EPB41L3: variants seen among roughly 807,000 people sequenced by gnomAD.
EPB41L3 encodes erythrocyte membrane protein band 4.1 like 3, also known as band 4.1-like protein 3.
EPB41L3 carries 57 observed loss-of-function variants against 127.1 expected under a neutral mutation model. The ratio of observed to expected loss-of-function variants is 0.45; its 90% CI spans 0.36 to 0.56. The LOEUF (loss-of-function observed/expected upper bound fraction) is 0.56. Ranked by LOEUF, EPB41L3 falls within the 20% of genes least tolerant of loss-of-function variation. The pLI is 0.00. For missense variants in EPB41L3, 1,273 were observed against 1,372.2 expected (o/e 0.93, Z 1.14); for synonymous variants, 572 against 549.5 (o/e 1.04, Z -0.57).
rs151153676 is a variant in EPB41L3, at chr18:5,408,581, C to A, written c.2122-845G>T. Among the ~76,000 whole-genome samples, 134 of 151,458 alleles carry A rather than the reference C, an allele frequency of 8.8e-4. 3 individuals are homozygous for A. In the East Asian group the frequency reaches 0.021, roughly 24 times the overall value. ...TGAGCCACCACGCCCAGCCAATTTTCTTGAATGTATATAGTTAAAAACAAA... is the reference window on the plus strand; with the variant it reads ...TGAGCCACCACGCCCAGCCAATTTTATTGAATGTATATAGTTAAAAACAAA... On this transcript the variant is annotated intron_variant, in intron 14 of 22. Transcript: ENST00000341928.
intron 16 of EPB41L3, chr18:5,399,833 G>A (rs1254271505): frequency 6.5e-6 from 1 of 152,868 alleles, no homozygotes; most frequent in Non-Finnish European, 1.5e-5. Flanking sequence ...ACAAATTTAT[G>A]TAAATATTTT....
intron 12 of EPB41L3, among the ~76,000 whole-genome samples, chr18:5,418,505 T>C (rs1341762143): frequency 6.6e-6 from 1 of 152,168 alleles, no homozygotes; most frequent in African/African-American, 2.4e-5. Context: ...GTTTTTTGGG[T>C]GGATTATATT....
At chr18:5,395,250 G>A (rs1289493988) in intron 20 of EPB41L3, 103 bp from the exon 21 acceptor site, 7 of 992,912 alleles carry the variant, frequency 7.0e-6, no homozygotes, top group Admixed American at 3.6e-5. Context: ...TTCACTCTTC[G>A]AGAATTGAAA....
chr18:5,428,372 T>C lies in EPB41L3; in HGVS notation c.1006A>G (p.Lys336Glu). ...CGTTTGTATGAAATCTTTAGAACCT[T>C]GGGCCAGGCAAATCTGTTTATTCGC... ...RLRINRFAWP[K>E]VLKISYKRNN... Residue 336 changes from lysine (K) to glutamate (E), a missense_variant, in exon 9 of 23, where the codon AAG becomes GAG. Physicochemically the swap from Lys to Glu is moderately conservative, Grantham distance 56. Coordinates refer to ENST00000341928, the MANE Select transcript of EPB41L3 (RefSeq NM_012307.5). 6.2e-7 allele frequency: 1 copy of C among 1,614,206 alleles called. No homozygotes were observed. The highest frequency in any genetic ancestry group is 8.5e-7 in the Non-Finnish European group (1 of 1,180,044).
chr18:5,619,015 C>T (rs1195894919), intron 1 of EPB41L3, among the ~76,000 whole-genome samples: 1 of 152,156 alleles, frequency 6.6e-6, no homozygotes, highest in Non-Finnish European at 1.5e-5. Flanking sequence ...GCCACTAAAA[C>T]TTTTTTGAAA....
intron 5 of EPB41L3, among the ~76,000 whole-genome samples, chr18:5,440,079 C>T (rs988332457): frequency 6.6e-6 from 1 of 152,110 alleles, no homozygotes; most frequent in African/African-American, 2.4e-5. Context: ...CGAAGAAATA[C>T]CTGAGGTACT....
At chr18:5,416,516 T>C in intron 12 of EPB41L3, 138 bp from the exon 13 acceptor site, 1 of 852,132 alleles carries the variant, frequency 1.2e-6, no homozygotes, top group Non-Finnish European at 1.8e-6. Flanking sequence ...CTAGGGTTGC[T>C]CATGAATGTT....
At chr18:5,395,805 T>C (rs1353258986) in intron 19 of EPB41L3, 98 bp from the exon 20 acceptor site, 7 of 882,368 alleles carry the variant, frequency 7.9e-6, no homozygotes, top group Non-Finnish European at 1.3e-5. Context: ...TTTCACTATC[T>C]CCTATTATGC....
intron 11 of EPB41L3, 64 bp downstream of exon 11, chr18:5,423,314 T>C: frequency 6.9e-7 from 1 of 1,452,522 alleles, no homozygotes; most frequent in East Asian, 2.3e-5. Context: ...TGAAAGCTCA[T>C]GACAGTTTCA....
At chr18:5,459,486 C>A (rs1568271564) in intron 3 of EPB41L3, among the ~76,000 whole-genome samples, 2 of 151,872 alleles carry the variant, frequency 1.3e-5, no homozygotes, top group Non-Finnish European at 2.9e-5. Context: ...GAGTGTTGGG[C>A]ATACCCATAA....
intron 3 of EPB41L3, among the ~76,000 whole-genome samples, chr18:5,575,697 C>A (rs181896173): frequency 6.6e-6 from 1 of 152,008 alleles, no homozygotes; most frequent in Non-Finnish European, 1.5e-5. Context: ...AGTAGCCAGG[C>A]GTGGTGGTGG....
intron 3 of EPB41L3, among the ~76,000 whole-genome samples, chr18:5,584,821 T>C (rs1421521427): frequency 1.3e-5 from 2 of 152,196 alleles, no homozygotes; most frequent in Non-Finnish European, 2.9e-5. Flanking sequence ...TTTCATCTGA[T>C]TCAAAGTGAA....
intron 3 of EPB41L3, among the ~76,000 whole-genome samples, chr18:5,563,313 G>A (rs2149218014): frequency 6.6e-6 from 1 of 152,304 alleles, no homozygotes; most frequent in African/African-American, 2.4e-5. Context: ...GAGCAACACA[G>A]TTCTATTTGT....
rs572216385 is a variant in EPB41L3, at chr18:5,581,175, A to G, written c.-306+31165T>C. Among the ~76,000 whole-genome samples the G allele has an allele frequency of 3.3e-5, 5 of 152,362 alleles. No individual in the cohort carries two copies. In the South Asian group the frequency reaches 1.0e-3, roughly 32 times the overall value. ...TGTAGCATTATTTACATAAACATGTAGTGGATGAAGTCTAAAATGTAACCA... is the reference window on the plus strand; with the variant it reads ...TGTAGCATTATTTACATAAACATGTGGTGGATGAAGTCTAAAATGTAACCA... On this transcript the variant is annotated intron_variant, in intron 3 of 21. Transcript: ENST00000545076.
rs1009033702 is a variant in EPB41L3 at position 5,543,304 on chromosome 18, G to C, written c.-12+609C>G. On this transcript the variant is annotated intron_variant, in intron 1 of 22. Transcript: ENST00000341928. This position sits in a 1 kb window ranked among gnomAD's most constrained non-coding sequence, Gnocchi z 5.2. The stretch of plus-strand genomic sequence containing the variant: ...CCTGCCCAGCGGGGATGCTTTGTGC[G>C]GAGCGCACCTTATCGGCCCCGCGCT... 14 of 150,372 alleles carry C rather than the reference G, an allele frequency of 9.3e-5. No individual in the cohort carries two copies. Among genetic ancestry groups the C allele is most frequent in the African/African-American group, 2.7e-4 (11 of 41,352 alleles). 9.3% of individuals were successfully genotyped at this position (150,372 alleles called of 1,614,324 possible).
intron 3 of EPB41L3, among the ~76,000 whole-genome samples, chr18:5,584,205 C>A (rs1432812517): frequency 6.6e-6 from 1 of 152,156 alleles, no homozygotes; most frequent in East Asian, 1.9e-4. Flanking sequence ...AAGAGCACAG[C>A]CAAGACAGCC....
At chr18:5,426,980 C>T (rs1019872431) in intron 9 of EPB41L3, among the ~76,000 whole-genome samples, 4 of 152,006 alleles carry the variant, frequency 2.6e-5, no homozygotes, top group Admixed American at 1.3e-4. Flanking sequence ...TCATACTAAA[C>T]ATCATTACAT....
chr18:5,547,288 C>T (rs894249691), upstream of EPB41L3, among the ~76,000 whole-genome samples: 1 of 152,158 alleles, frequency 6.6e-6, no homozygotes. Context: ...ATGTAACCCC[C>T]CTTGTGGTGC....
chr18:5,601,180 C>T (rs1196172634), intron 3 of EPB41L3, among the ~76,000 whole-genome samples: 1 of 152,060 alleles, frequency 6.6e-6, no homozygotes, highest in Non-Finnish European at 1.5e-5. Context: ...ATCACATGTT[C>T]AATTATGGTT....
Sources: allele counts gnomAD v4.1 joint callset (sites outside exome capture counted in the v4.1 genomes callset), GRCh38; gene constraint gnomAD v4.1.1; non-coding constraint Gnocchi (gnomAD v3.1); transcripts MANE v1.5; gene names NCBI Gene and HGNC (gene_info 2026-07-23, HGNC 2026-07-21).